NXN: variants seen among roughly 807,000 people sequenced by gnomAD.
NXN encodes the protein nucleoredoxin 1.
Under a neutral mutation model 48.6 loss-of-function variants are expected in NXN, and 16 were observed. The ratio of observed to expected loss-of-function variants is 0.33; its 90% confidence interval spans 0.22 to 0.50. NXN has a LOEUF of 0.50. NXN is among the 20% of genes least tolerant of loss of function. The pLI, the probability that NXN is intolerant of heterozygous loss-of-function variation, is 0.98. For missense variants in NXN, 492 were observed against 605.5 expected, an observed-to-expected ratio of 0.81 and a Z score of 1.97; for synonymous variants, 281 against 269.6, an observed-to-expected ratio of 1.04 and a Z score of -0.41.
At position 826,024 on chromosome 17, in the gene NXN, C is replaced by T. The variant is rs747027542; in HGVS notation, c.415G>A (p.Asp139Asn). The T allele has an allele frequency of 2.6e-5, 42 of 1,613,816 alleles. No individual in the cohort carries two copies. The highest frequency in any genetic ancestry group is 1.6e-4 in the Middle Eastern group (1 of 6,084). ...CACACAACCTTCCCAGTGGTGGCGTCGAGGAATATTAGTGATGGAATGTTG... is the reference window on the plus strand; with the variant it reads ...CACACAACCTTCCCAGTGGTGGCGTTGAGGAATATTAGTGATGGAATGTTG... ...ISNIPSLIFL[D>N]ATTGKVVCRN... The change falls in exon 2 of 8, where the codon GAC becomes AAC. Residue 139 changes from aspartate to asparagine, a missense_variant. By Grantham distance (23) the Asp-to-Asn change is conservative. Around this residue, in one of 3 missense-constraint regions of NXN, gnomAD observed 186 missense variants for 199.1 expected, o/e 0.93. Coordinates refer to ENST00000336868, the MANE Select transcript of NXN (RefSeq NM_022463.5).
chr17:927,839 C>T (rs1367015268), intron 1 of NXN, among the ~76,000 whole-genome samples: 1 of 152,088 alleles, frequency 6.6e-6, no homozygotes, highest in Non-Finnish European at 1.5e-5. Context: ...GCCGTGCCCA[C>T]TCGCCCCCTC....
intron 1 of NXN, among the ~76,000 whole-genome samples, chr17:839,010 C>T (rs926561089): frequency 1.3e-5 from 2 of 152,208 alleles, no homozygotes; most frequent in African/African-American, 2.4e-5. Context: ...ACCAGGGGAA[C>T]TCCAGCCACA....
chr17:979,448 C>T lies in NXN; in HGVS notation c.231G>A (p.Ala77=), dbSNP rs1260421716. 2 of 1,249,522 alleles carry T rather than the reference C, an allele frequency of 1.6e-6. No homozygotes were observed. Among genetic ancestry groups the T allele is most frequent in the Non-Finnish European group, 2.0e-6 (2 of 987,024 alleles). The allele number at this position is 1,249,522 out of a possible 1,614,324, so 77.4% of individuals were successfully genotyped here. Residue 77 remains alanine, a synonymous_variant, in exon 1 of 8, where the codon GCG becomes GCA. Coordinates refer to ENST00000336868, the MANE Select transcript of NXN (RefSeq NM_022463.5). The stretch of plus-strand genomic sequence containing the variant: ...GGCGCCGCCGCGGCTCGGGCTCCGC[C>T]GCCGCCCCGGCCCCCGCTCCCGGCC... The part of the protein sequence containing the change: ...GPGPGAGAGA[A]AEPEPRRRLE...
intron 1 of NXN, chr17:896,855 C>CCCGGGG: frequency 9.1e-7 from 1 of 1,102,006 alleles, no homozygotes; most frequent in Non-Finnish European, 1.2e-6. Flanking sequence ...GCGGTCCTGA[C>CCCGGGG]CACCCGCCCC....
At chr17:931,375 C>G (rs2068851585) in intron 1 of NXN, among the ~76,000 whole-genome samples, 1 of 150,828 alleles carries the variant, frequency 6.6e-6, no homozygotes, top group Non-Finnish European at 1.5e-5. Context: ...AATGCTTAAA[C>G]CTGGGAGACG....
chr17:854,524 G>A (rs1279792245), intron 1 of NXN, among the ~76,000 whole-genome samples: 7 of 151,720 alleles, frequency 4.6e-5, no homozygotes, highest in Admixed American at 3.3e-4. Context: ...GCGTGGTGGC[G>A]GGCACCTGTA....
At chr17:857,249 C>T (rs1485120164) in intron 1 of NXN, among the ~76,000 whole-genome samples, 2 of 151,946 alleles carry the variant, frequency 1.3e-5, no homozygotes, top group Non-Finnish European at 2.9e-5. Flanking sequence ...CTGTCTTGGA[C>T]CTTTTCTTTT....
At chr17:869,789 G>C (rs1280216092) in intron 1 of NXN, among the ~76,000 whole-genome samples, 2 of 152,244 alleles carry the variant, frequency 1.3e-5, no homozygotes, top group African/African-American at 2.4e-5. Flanking sequence ...TCCACGGACA[G>C]TTAACAGCTA....
At chr17:939,765 C>A (rs969741336) in intron 1 of NXN, among the ~76,000 whole-genome samples, 1 of 152,216 alleles carries the variant, frequency 6.6e-6, no homozygotes, top group South Asian at 2.1e-4. Flanking sequence ...CTTGTGATGT[C>A]GGAACATCCA....
At chr17:976,771 T>C (rs560710254) in intron 1 of NXN, among the ~76,000 whole-genome samples, 2 of 150,890 alleles carry the variant, frequency 1.3e-5, no homozygotes, top group African/African-American at 4.8e-5. Flanking sequence ...ATAATTCCTT[T>C]TTTTTTTTTT....
rs1268620472 is a variant in NXN at position 917,399 on chromosome 17, T to C, written c.360+61920A>G. ...CTCGTGATCCGCCTGCCTTGGCCTC[T>C]GAAAGTGCTGGGCCTCTGAAAGAAC... On this transcript the variant is annotated intron_variant, in intron 1 of 7. Transcript: ENST00000336868. This position sits in a 1 kb window ranked among gnomAD's most constrained non-coding sequence, Gnocchi z 4.5. Among the ~76,000 whole-genome samples, 1 of 152,222 alleles carries C rather than the reference T, an allele frequency of 6.6e-6. No individual in the cohort carries two copies. Among genetic ancestry groups the C allele is most frequent in the African/African-American group, 2.4e-5 (1 of 41,472 alleles).
At chr17:911,371 G>A (rs544042205) in intron 1 of NXN, among the ~76,000 whole-genome samples, 2 of 128,090 alleles carry the variant, frequency 1.6e-5, no homozygotes, top group South Asian at 2.3e-4. Context: ...ACGGAGTCTC[G>A]CTCTGTCGCC....
chr17:806,926 AC>A (rs1337749360), intron 5 of NXN, among the ~76,000 whole-genome samples: 1 of 113,652 alleles, frequency 8.8e-6, no homozygotes, highest in East Asian at 2.2e-4. Context: ...TCACATACAC[AC>A]ACACACACAC....
intron 1 of NXN, chr17:909,532 A>ATTTTTTTTTTTTTTTTTTTTTTT (rs10541312): frequency 1.0e-5 from 1 of 99,914 alleles, no homozygotes; most frequent in Non-Finnish European, 1.9e-5. Flanking sequence ...AAGGAAATGA[A>ATTTTTTTTTTTTTTTTTTTTTTT]TTTTTTTTTT....
chr17:801,022 T>A lies in NXN; in HGVS notation c.1235A>T (p.Glu412Val), dbSNP rs752658074. The A allele has an allele frequency of 1.3e-6, 2 of 1,566,234 alleles. No homozygotes were observed. Among genetic ancestry groups the A allele is most frequent in the South Asian group, 1.2e-5 (1 of 84,376 alleles). The part of the protein sequence containing the change: ...ARAKYVMDVE[E>V]ITPAIVEAFV... ...GGCCTCCACGATGGCGGGGGTGATC[T>A]CCTCCACGTCCATCACGTACTTGGC... is the stretch of plus-strand genomic sequence containing the variant. The change falls in exon 8 of 8, where the codon GAG becomes GTG. Residue 412 changes from glutamate (E) to valine (V), a missense_variant. Physicochemically the swap from Glu to Val is moderately radical, Grantham distance 121. This residue lies in a region of NXN where 303 missense variants were observed against 388.3 expected (regional missense o/e 0.78). Transcript: ENST00000336868.
rs2068868150 is a variant in NXN at position 932,771 on chromosome 17, C to T, written c.360+46548G>A. Among the ~76,000 whole-genome samples the T allele has an allele frequency of 6.6e-6, 1 of 152,130 alleles. No individual in the cohort carries two copies. Among genetic ancestry groups the T allele is most frequent in the Non-Finnish European group, 1.5e-5 (1 of 68,012 alleles). On this transcript the variant is annotated intron_variant, in intron 1 of 7. Coordinates refer to ENST00000336868, the MANE Select transcript of NXN (RefSeq NM_022463.5). This position sits in a 1 kb window ranked among gnomAD's most constrained non-coding sequence, Gnocchi z 4.1. ...TGGGTGGGGAGTGCCTTGTTGTGGCCGGCTTCGCATAAGTCATCTGCGCCC... is the reference window on the plus strand; with the variant it reads ...TGGGTGGGGAGTGCCTTGTTGTGGCTGGCTTCGCATAAGTCATCTGCGCCC...
At chr17:814,667 C>T (rs781657594) in intron 5 of NXN, among the ~76,000 whole-genome samples, 2 of 152,232 alleles carry the variant, frequency 1.3e-5, no homozygotes, top group Non-Finnish European at 2.9e-5. Flanking sequence ...AGCACTGGGC[C>T]CCTCTCCTAG....
intron 5 of NXN, among the ~76,000 whole-genome samples, chr17:806,957 C>T (rs1265079861): frequency 4.6e-5 from 7 of 152,176 alleles, no homozygotes; most frequent in Admixed American, 1.3e-4. Context: ...CGCACGCGCC[C>T]ACACACACAT....
chr17:909,529 T>A (rs1360345850), intron 1 of NXN: 1 of 120,086 alleles, frequency 8.3e-6, no homozygotes. Context: ...CCAAAGGAAA[T>A]GAATTTTTTT....
Sources: allele counts gnomAD v4.1 joint callset (sites outside exome capture counted in the v4.1 genomes callset), GRCh38; gene constraint gnomAD v4.1.1; regional missense constraint gnomAD v4.1.1; non-coding constraint Gnocchi (gnomAD v3.1); transcripts MANE v1.5; gene names NCBI Gene and HGNC (gene_info 2026-07-23, HGNC 2026-07-21).